The following EYS variants were observed in gnomAD, a reference collection of about 807,000 sequenced individuals.
The protein encoded by EYS is EGF-like photoreceptor maintenance factor, also known as protein eyes shut homolog.
EYS carries 250 observed loss-of-function variants against 282.1 expected under a neutral mutation model. That is an observed-to-expected ratio of 0.89 (90% confidence interval 0.80 to 0.98). The LOEUF (loss-of-function observed/expected upper bound fraction) is 0.98, where lower values mean the gene tolerates loss of function less well. Among genes scored for constraint, EYS ranks in the 50% least tolerant of loss-of-function variants. EYS has a pLI of 0.00. For missense variants in EYS, 4,016 were observed against 3,709.0 expected, an observed-to-expected ratio of 1.08 and a Z score of -2.15; for synonymous variants, 1,355 against 1,282.9, an observed-to-expected ratio of 1.06 and a Z score of -1.20.
Position 63,726,802 on chromosome 6 carries a change from T to C in EYS, c.8072-122A>G. 9 of 853,792 alleles carry C rather than the reference T, an allele frequency of 1.1e-5. No homozygotes were observed. The highest frequency in any genetic ancestry group is 1.6e-5 in the South Asian group (1 of 61,272). 52.9% of individuals were successfully genotyped at this position (853,792 alleles called of 1,614,324 possible). Reference sequence around the variant, plus strand: ...TCAGGATTTATCGCCCAAGAGTTGCTTGTAGGTGAGTACATCAAACCTTGG... The same window carrying C: ...TCAGGATTTATCGCCCAAGAGTTGCCTGTAGGTGAGTACATCAAACCTTGG... On this transcript the variant is annotated intron_variant, in intron 41 of 42. Transcript: ENST00000503581.
intron 5 of EYS, 37 bp from the exon 6 acceptor site, chr6:65,405,404 GA>G: frequency 6.9e-7 from 1 of 1,439,902 alleles, no homozygotes; most frequent in South Asian, 1.2e-5. Context: ...AAAAGAAAAG[GA>G]AGGAAGGAAA....
At chr6:64,632,853 T>C (rs1371593126) in intron 22 of EYS, among the ~76,000 whole-genome samples, 6 of 152,134 alleles carry the variant, frequency 3.9e-5, no homozygotes, top group African/African-American at 1.4e-4. Flanking sequence ...TACTATTCAA[T>C]TGATCACATT....
chr6:64,523,424 A>T (rs1317301134), intron 26 of EYS, among the ~76,000 whole-genome samples: 1 of 151,758 alleles, frequency 6.6e-6, no homozygotes, highest in Non-Finnish European at 1.5e-5. Flanking sequence ...TGACTGTAGG[A>T]TTTTAATTCA....
chr6:64,016,539 G>T (rs1768901429), intron 33 of EYS, among the ~76,000 whole-genome samples: 1 of 150,760 alleles, frequency 6.6e-6, no homozygotes, highest in Non-Finnish European at 1.5e-5. Context: ...ACCCAGGCTG[G>T]AGTGCAGCTC....
chr6:64,470,092 TG>T (rs1164786048), intron 26 of EYS, among the ~76,000 whole-genome samples: 1 of 152,172 alleles, frequency 6.6e-6, no homozygotes, highest in East Asian at 1.9e-4. Context: ...CCCTTTGTCT[TG>T]TATCCAATAA....
intron 2 of EYS, among the ~76,000 whole-genome samples, chr6:65,546,416 T>A (rs1352422348): frequency 6.6e-6 from 1 of 152,014 alleles, no homozygotes; most frequent in African/African-American, 2.4e-5. Context: ...TCTGTAAATA[T>A]AAAATAAACA....
intron 1 of EYS, among the ~76,000 whole-genome samples, chr6:65,659,722 C>G (rs889071932): frequency 6.6e-6 from 1 of 151,582 alleles, no homozygotes; most frequent in Non-Finnish European, 1.5e-5. Context: ...TTTTGACACA[C>G]AAACATTAGA....
At chr6:65,572,978 G>A (rs1295114919) in intron 2 of EYS, among the ~76,000 whole-genome samples, 1 of 152,076 alleles carries the variant, frequency 6.6e-6, no homozygotes, top group Non-Finnish European at 1.5e-5. Flanking sequence ...TTACTTCAAT[G>A]GGCTGAGGAG....
chr6:63,757,139 C>T (rs1769507552), intron 41 of EYS, among the ~76,000 whole-genome samples: 3 of 152,000 alleles, frequency 2.0e-5, no homozygotes, highest in African/African-American at 7.3e-5. Flanking sequence ...AACAGATGTG[C>T]AAGTAGGGAA....
At chr6:65,290,163 AG>A (rs1411092813) in intron 12 of EYS, among the ~76,000 whole-genome samples, 1 of 151,138 alleles carries the variant, frequency 6.6e-6, no homozygotes, top group African/African-American at 2.4e-5. Context: ...AAATTGACTA[AG>A]GGTTAACAAA....
chr6:65,052,202 A>G (rs946041962), intron 13 of EYS, among the ~76,000 whole-genome samples: 8 of 151,430 alleles, frequency 5.3e-5, no homozygotes, highest in African/African-American at 1.2e-4. Context: ...AACCCCATTT[A>G]GTTCTGGGGG....
chr6:65,482,205 A>T (rs528920095), intron 5 of EYS, among the ~76,000 whole-genome samples: 12 of 152,164 alleles, frequency 7.9e-5, no homozygotes, highest in African/African-American at 2.7e-4. Flanking sequence ...AGCAACCTAG[A>T]ATAAGCTTAT....
At chr6:63,996,344 A>G (rs1410433935) in intron 34 of EYS, among the ~76,000 whole-genome samples, 1 of 152,074 alleles carries the variant, frequency 6.6e-6, no homozygotes, top group African/African-American at 2.4e-5. Context: ...CAATGACTAT[A>G]GAGTTTCAGA....
chr6:64,244,690 T>C (rs968653723), intron 30 of EYS, among the ~76,000 whole-genome samples: 2 of 152,226 alleles, frequency 1.3e-5, no homozygotes, highest in Admixed American at 1.3e-4. Flanking sequence ...TTTCAATTCA[T>C]AGCATGTTTT....
intron 13 of EYS, among the ~76,000 whole-genome samples, chr6:65,002,256 C>A (rs1252207254): frequency 6.8e-6 from 1 of 147,234 alleles, no homozygotes; most frequent in Non-Finnish European, 1.5e-5. Flanking sequence ...AGAAATGATA[C>A]AATACTGACT....
chr6:64,375,548 G>C (rs1055222061), intron 29 of EYS, among the ~76,000 whole-genome samples: 1 of 152,166 alleles, frequency 6.6e-6, no homozygotes, highest in Non-Finnish European at 1.5e-5. Flanking sequence ...ACATGCAGGT[G>C]AGGGTGTGGG....
chr6:64,788,365 G>T (rs1774085761), intron 22 of EYS, among the ~76,000 whole-genome samples: 1 of 152,026 alleles, frequency 6.6e-6, no homozygotes, highest in African/African-American at 2.4e-5. Context: ...GAGAGGTGTG[G>T]ACCTTCAACA....
At chr6:64,745,670 A>G (rs2149964832) in intron 22 of EYS, among the ~76,000 whole-genome samples, 1 of 152,324 alleles carries the variant, frequency 6.6e-6, no homozygotes. Context: ...AAAACTTATT[A>G]GCCACTGTAA....
At chr6:64,587,643 G>A (rs1699353293) in intron 26 of EYS, among the ~76,000 whole-genome samples, 2 of 152,022 alleles carry the variant, frequency 1.3e-5, no homozygotes, top group South Asian at 4.1e-4. Flanking sequence ...TCATATTTAT[G>A]TAATGCTTAG....
Sources: allele counts gnomAD v4.1 joint callset (sites outside exome capture counted in the v4.1 genomes callset), GRCh38; gene constraint gnomAD v4.1.1; transcripts MANE v1.5; gene names NCBI Gene and HGNC (gene_info 2026-07-23, HGNC 2026-07-21).